FHIT: variants seen among roughly 807,000 people sequenced by gnomAD.
The protein encoded by FHIT is fragile histidine triad diadenosine triphosphatase.
FHIT carries 19 observed loss-of-function variants against 17.9 expected under a neutral mutation model. That is an observed-to-expected ratio of 1.06 (90% CI 0.74 to 1.56). The LOEUF (loss-of-function observed/expected upper bound fraction) is 1.56. FHIT is among the 40% of genes most tolerant of loss of function. The probability of loss-of-function intolerance (pLI) is 0.00; values close to 1 mark genes in which losing one functional copy is unlikely to be tolerated. For missense variants in FHIT, 248 were observed against 189.2 expected (o/e 1.31, Z -1.82); for synonymous variants, 81 against 69.7 (o/e 1.16, Z -0.81).
intron 2 of FHIT, among the ~76,000 whole-genome samples, chr3:61,152,520 A>G (rs1183427418): frequency 9.2e-5 from 14 of 152,240 alleles, no homozygotes; most frequent in Admixed American, 2.6e-4. Context: ...TGGTACAAAT[A>G]GGACATGAAT....
intron 5 of FHIT, among the ~76,000 whole-genome samples, chr3:60,480,505 T>C (rs754683180): frequency 2.0e-5 from 3 of 152,162 alleles, no homozygotes; most frequent in Non-Finnish European, 2.9e-5. Context: ...CCCTTCCACT[T>C]AGGAACCTGT....
chr3:59,963,585 C>A (rs1163789247), intron 7 of FHIT, among the ~76,000 whole-genome samples: 1 of 152,130 alleles, frequency 6.6e-6, no homozygotes, highest in Non-Finnish European at 1.5e-5. Context: ...TAACATGTTT[C>A]ACGTATCCAA....
intron 5 of FHIT, among the ~76,000 whole-genome samples, chr3:60,503,537 G>A (rs960799057): frequency 6.6e-6 from 1 of 151,912 alleles, no homozygotes; most frequent in African/African-American, 2.4e-5. Flanking sequence ...TAAATGTATG[G>A]GCACATACAT....
rs556115317 is a variant in FHIT, at chr3:59,799,147, A to G, written c.349-46826T>C. Among the ~76,000 whole-genome samples the G allele has an allele frequency of 3.4e-3, 516 of 152,330 alleles. 2 individuals carry two copies. The highest frequency in any genetic ancestry group is 3.9e-3 in the Non-Finnish European group (268 of 68,024). On this transcript the variant is annotated intron_variant, in intron 8 of 9. Transcript: ENST00000492590. ...TTTTAAACAACATCTCTCAGAAAATACCATTCTTAGTAGAATAAACCTTCT... is the reference window on the plus strand; with the variant it reads ...TTTTAAACAACATCTCTCAGAAAATGCCATTCTTAGTAGAATAAACCTTCT...
intron 3 of FHIT, among the ~76,000 whole-genome samples, chr3:61,022,901 A>G (rs1451509580): frequency 6.6e-6 from 1 of 152,242 alleles, no homozygotes. Flanking sequence ...CCAAATGAGC[A>G]AAAGCTGGAA....
chr3:59,938,317 T>G (rs907190152), intron 7 of FHIT, among the ~76,000 whole-genome samples: 1 of 152,136 alleles, frequency 6.6e-6, no homozygotes, highest in Non-Finnish European at 1.5e-5. Context: ...AAATATCACA[T>G]GATCTTACTT....
At chr3:60,918,209 GTGAA>G (rs1707103692) in intron 3 of FHIT, among the ~76,000 whole-genome samples, 1 of 152,182 alleles carries the variant, frequency 6.6e-6, no homozygotes, top group Non-Finnish European at 1.5e-5. Flanking sequence ...CCCCAGCCAG[GTGAA>G]ACTGTGAGTC....
At chr3:61,116,283 T>C (rs2036296335) in intron 2 of FHIT, among the ~76,000 whole-genome samples, 1 of 152,096 alleles carries the variant, frequency 6.6e-6, no homozygotes, top group African/African-American at 2.4e-5. Flanking sequence ...CTGCATAATA[T>C]CATTATGCTG....
intron 5 of FHIT, among the ~76,000 whole-genome samples, chr3:60,245,271 C>T (rs956080167): frequency 1.3e-5 from 2 of 151,952 alleles, no homozygotes; most frequent in East Asian, 1.9e-4. Flanking sequence ...TTTTGCATTT[C>T]GATGTAGCAA....
intron 3 of FHIT, among the ~76,000 whole-genome samples, chr3:60,926,802 T>G (rs1329174164): frequency 2.0e-5 from 3 of 152,114 alleles, no homozygotes; most frequent in Non-Finnish European, 4.4e-5. Context: ...ATTGATAGAC[T>G]GCTAGCAAGA....
chr3:60,797,455 CAGTAGTAGTAGT>C (rs59090057), intron 4 of FHIT, among the ~76,000 whole-genome samples: 57,162 of 147,970 alleles, frequency 0.39, 12,554 homozygotes, highest in East Asian at 0.77. Context: ...AAAGAAATTG[CAGTAGTAGTAGT>C]AGTAGTAGTA....
At chr3:60,368,596 G>A (rs1700202546) in intron 5 of FHIT, among the ~76,000 whole-genome samples, 1 of 151,934 alleles carries the variant, frequency 6.6e-6, no homozygotes, top group South Asian at 2.1e-4. Context: ...TATATTTCAA[G>A]TATTTTCCTC....
intron 4 of FHIT, among the ~76,000 whole-genome samples, chr3:60,695,414 G>T (rs1224622377): frequency 6.6e-6 from 1 of 152,070 alleles, no homozygotes; most frequent in Non-Finnish European, 1.5e-5. Context: ...CAACAAAAAA[G>T]AAATATATAA....
At chr3:60,281,930 G>C (rs1320297155) in intron 5 of FHIT, among the ~76,000 whole-genome samples, 1 of 152,096 alleles carries the variant, frequency 6.6e-6, no homozygotes, top group African/African-American at 2.4e-5. Flanking sequence ...TATGTCATTA[G>C]GGGATTACAA....
At chr3:60,021,530 A>C (rs1700553315) in intron 5 of FHIT, among the ~76,000 whole-genome samples, 1 of 152,210 alleles carries the variant, frequency 6.6e-6, no homozygotes, top group Non-Finnish European at 1.5e-5. Flanking sequence ...TGCTCATATA[A>C]ACTAAGTATG....
intron 5 of FHIT, among the ~76,000 whole-genome samples, chr3:60,069,295 GT>G (rs1165165002): frequency 4.6e-5 from 7 of 152,218 alleles, no homozygotes; most frequent in African/African-American, 1.7e-4. Context: ...TGTGTATTAA[GT>G]GTATTATAAA....
intron 5 of FHIT, among the ~76,000 whole-genome samples, chr3:60,503,722 A>T (rs561730781): frequency 4.8e-4 from 73 of 152,310 alleles, no homozygotes; most frequent in Middle Eastern, 3.4e-3. Context: ...AACTTACGGT[A>T]TTAGGATCAA....
chr3:61,029,958 C>T (rs936613708), intron 3 of FHIT, among the ~76,000 whole-genome samples: 3 of 152,074 alleles, frequency 2.0e-5, no homozygotes, highest in African/African-American at 7.2e-5. Flanking sequence ...GAATCAAAAT[C>T]TACATTTTTG....
chr3:60,049,870 A>T (rs1443459001), intron 5 of FHIT, among the ~76,000 whole-genome samples: 1 of 152,174 alleles, frequency 6.6e-6, no homozygotes, highest in Non-Finnish European at 1.5e-5. Context: ...TTCTCTTATC[A>T]GCAGGCAAAT....
Sources: gnomAD v4.1 joint callset for allele counts (sites outside exome capture counted in the v4.1 genomes callset) on GRCh38, gnomAD v4.1.1 for gene constraint, MANE v1.5 for transcripts, NCBI Gene and HGNC (gene_info 2026-07-23, HGNC 2026-07-21) for gene names.